The following CMIP variants were observed in gnomAD, a reference collection of about 807,000 sequenced individuals.
CMIP encodes the protein c-Maf inducing protein.
A neutral mutation model predicts 97.3 loss-of-function variants in CMIP; 13 were observed. That is an observed-to-expected ratio of 0.13 (90% CI 0.09 to 0.21). CMIP has a LOEUF of 0.21. Ranked by LOEUF, CMIP falls within the 10% of genes least tolerant of loss-of-function variation. The pLI, the probability that CMIP is intolerant of heterozygous loss-of-function variation, is 1.00. For missense variants in CMIP, 847 were observed against 1,024.9 expected (o/e 0.83, Z 2.37); for synonymous variants, 538 against 436.3 (o/e 1.23, Z -2.91).
intron 1 of CMIP, among the ~76,000 whole-genome samples, chr16:81,571,494 C>G (rs1475525221): frequency 6.8e-6 from 1 of 148,010 alleles, no homozygotes; most frequent in Non-Finnish European, 1.5e-5. Context: ...AGCGCAGTGG[C>G]TCACATCTGT....
rs1207102789 is a variant in CMIP, at chr16:81,600,220, G to T, written c.301-7347G>T. On this transcript the variant is annotated intron_variant, in intron 1 of 20. Transcript: ENST00000537098. ...CTTGACGGGAGGCGGAGGTTGCAGT[G>T]AGCCAAGATCGCACCACTGCACTCC... Among the ~76,000 whole-genome samples the T allele has an allele frequency of 4.2e-5, 6 of 143,858 alleles. No individual in the cohort carries two copies. The South Asian group carries it at 1.4e-3, about 32-fold the overall frequency. The allele number at this position is 143,858 out of a possible 152,430, so 94.4% of individuals were successfully genotyped here. A position where few individuals can be genotyped will look rare whatever the true frequency, so the allele number is the denominator to read the frequency against.
intron 1 of CMIP, among the ~76,000 whole-genome samples, chr16:81,568,720 CAA>C (rs950761245): frequency 6.6e-6 from 1 of 152,170 alleles, no homozygotes; most frequent in Admixed American, 6.5e-5. Context: ...ACAGAAACCA[CAA>C]AGGCAAGGAG....
intron 1 of CMIP, among the ~76,000 whole-genome samples, chr16:81,500,352 TCCTTTCCTCCCTTCCTCTCTC>T (rs1408336716): frequency 3.3e-5 from 3 of 91,556 alleles, no homozygotes; most frequent in Admixed American, 1.2e-4. Flanking sequence ...CCTCCCTCTC[TCCTTTCCTCCCTTCCTCTCTC>T]CTTTCCTCCC....
intron 1 of CMIP, among the ~76,000 whole-genome samples, chr16:81,462,897 CAG>C (rs1282130079): frequency 1.3e-5 from 2 of 152,204 alleles, no homozygotes; most frequent in African/African-American, 4.8e-5. Flanking sequence ...AGCAGAGGGA[CAG>C]AGTGACCACA....
intron 1 of CMIP, among the ~76,000 whole-genome samples, chr16:81,542,014 C>G (rs1454542539): frequency 6.6e-6 from 1 of 152,206 alleles, no homozygotes; most frequent in Non-Finnish European, 1.5e-5. Flanking sequence ...TGACCTTATT[C>G]TGTTCAGCTG....
At chr16:81,680,312 A>G (rs1212124890) in intron 10 of CMIP, among the ~76,000 whole-genome samples, 1 of 152,184 alleles carries the variant, frequency 6.6e-6, no homozygotes, top group Non-Finnish European at 1.5e-5. Flanking sequence ...CGAGGGACAG[A>G]GGGCAGCTTC....
intron 7 of CMIP, among the ~76,000 whole-genome samples, chr16:81,667,799 A>AGTGGGT (rs2092624618): frequency 1.7e-5 from 1 of 58,096 alleles, no homozygotes; most frequent in Non-Finnish European, 3.2e-5. Flanking sequence ...AGAGAGAGAG[A>AGTGGGT]GTGTGTGTGT....
At chr16:81,661,069 C>G in intron 6 of CMIP, 123 bp downstream of exon 6, 1 of 1,170,032 alleles carries the variant, frequency 8.5e-7, no homozygotes, top group Non-Finnish European at 1.3e-6. Context: ...GTCACGGTCC[C>G]AGACACAGGC....
intron 3 of CMIP, among the ~76,000 whole-genome samples, chr16:81,625,455 G>T (rs952259796): frequency 6.6e-6 from 1 of 152,226 alleles, no homozygotes; most frequent in Admixed American, 6.5e-5. Context: ...GCCAAGCCCT[G>T]TGGTGACAGG....
chr16:81,558,904 A>T (rs1334604877), intron 1 of CMIP, among the ~76,000 whole-genome samples: 5 of 152,162 alleles, frequency 3.3e-5, no homozygotes, highest in African/African-American at 9.6e-5. Context: ...CCCCGCCACC[A>T]GGTACTTTGT....
rs1240698908 is a variant in CMIP, at chr16:81,710,726, C to T, written c.*927C>T. On this transcript the variant is annotated 3_prime_UTR_variant, in exon 21 of 21. Coordinates refer to ENST00000537098, the MANE Select transcript of CMIP (RefSeq NM_198390.3). ...GGCTGGAGGAGGAGGGATTAAGATC[C>T]CCTTGCTCCACTAAGGCCCAAGCTC... 6.6e-6 allele frequency: 1 copy of T among 152,010 alleles called. No individual in the cohort carries two copies. The highest frequency in any genetic ancestry group is 6.6e-5 in the Admixed American group (1 of 15,242). The allele number at this position is 152,010 out of a possible 1,614,324, so 9.4% of individuals were successfully genotyped here.
At chr16:81,536,406 G>A (rs1294476619) in intron 1 of CMIP, among the ~76,000 whole-genome samples, 1 of 151,984 alleles carries the variant, frequency 6.6e-6, no homozygotes, top group East Asian at 1.9e-4. Flanking sequence ...ATTAACTCGG[G>A]GGCATTATAA....
At chr16:81,602,250 GA>G (rs142132010) in intron 1 of CMIP, among the ~76,000 whole-genome samples, 4,911 of 151,544 alleles carry the variant, frequency 0.032, 234 homozygotes, top group African/African-American at 0.11. Flanking sequence ...ATAATGTGGG[GA>G]AAAAAAAGGC....
intron 3 of CMIP, among the ~76,000 whole-genome samples, chr16:81,632,675 A>T (rs1233973367): frequency 6.6e-6 from 1 of 152,178 alleles, no homozygotes; most frequent in Non-Finnish European, 1.5e-5. Flanking sequence ...CAGCCCCCCA[A>T]CACGGAAGCC....
At chr16:81,505,930 G>C (rs2089701005) in intron 1 of CMIP, among the ~76,000 whole-genome samples, 1 of 152,248 alleles carries the variant, frequency 6.6e-6, no homozygotes, top group Non-Finnish European at 1.5e-5. Flanking sequence ...GGGAGGTGGA[G>C]GTTGCGGTGA....
chr16:81,555,013 A>T (rs529610790), intron 1 of CMIP, among the ~76,000 whole-genome samples: 1 of 152,228 alleles, frequency 6.6e-6, no homozygotes, highest in African/African-American at 2.4e-5. Flanking sequence ...ACACACCCCT[A>T]CAGTGGGAGG....
At position 81,445,269 on chromosome 16, in the gene CMIP, G is replaced by T; in HGVS notation, c.28G>T (p.Gly10Cys). 2 of 1,540,486 alleles carry T rather than the reference G, an allele frequency of 1.3e-6. No individual in the cohort carries two copies. Among genetic ancestry groups the T allele is most frequent in the Non-Finnish European group, 1.7e-6 (2 of 1,145,750 alleles). Residue 10 changes from glycine to cysteine, a missense_variant, in exon 1 of 21, where the codon GGC (glycine) becomes TGC (cysteine). Gly to Cys is a radical substitution (Grantham distance 159). Around this residue, in one of 4 missense-constraint regions of CMIP, gnomAD observed 94 missense variants for 79.9 expected, o/e 1.18. Transcript: ENST00000537098. MDVTSSSGG[G>C]GDPRQIEETK... ...GGATGTGACCAGCAGCTCGGGCGGC[G>T]GCGGCGACCCCCGGCAGATCGAGGA...
chr16:81,511,201 C>T (rs1171422372), intron 1 of CMIP, among the ~76,000 whole-genome samples: 1 of 152,160 alleles, frequency 6.6e-6, no homozygotes, highest in Non-Finnish European at 1.5e-5. Flanking sequence ...GCTGTTAGTT[C>T]ATCAGAAATG....
chr16:81,565,396 C>T (rs764873257), intron 1 of CMIP, among the ~76,000 whole-genome samples: 7 of 152,164 alleles, frequency 4.6e-5, no homozygotes, highest in Admixed American at 6.5e-5. Flanking sequence ...CCAGAGCCTG[C>T]GGCACCTTCA....
Sources: allele counts gnomAD v4.1 joint callset (sites outside exome capture counted in the v4.1 genomes callset), GRCh38; gene constraint gnomAD v4.1.1; regional missense constraint gnomAD v4.1.1; transcripts MANE v1.5; gene names NCBI Gene and HGNC (gene_info 2026-07-23, HGNC 2026-07-21).